SERPINB6: variants seen among roughly 807,000 people sequenced by gnomAD.
The protein encoded by SERPINB6 is serpin B6.
Under a neutral mutation model 26.1 loss-of-function variants are expected in SERPINB6, and 16 were observed. The ratio of observed to expected loss-of-function variants is 0.61; its 90% CI spans 0.42 to 0.93. The LOEUF is 0.93. Ranked by LOEUF, SERPINB6 falls within the 40% of genes least tolerant of loss-of-function variation. The probability of loss-of-function intolerance (pLI) is 0.00; values close to 1 mark genes in which losing one functional copy is unlikely to be tolerated. For synonymous variants in SERPINB6, 174 were observed against 176.6 expected (o/e 0.99, Z 0.11); for missense variants, 420 against 478.0 (o/e 0.88, Z 1.13).
rs1001274072 is a variant in SERPINB6 at position 2,948,224 on chromosome 6, C to T, written c.*74G>A. 3.2e-6 allele frequency: 5 copies of T among 1,585,568 alleles called. No homozygotes were observed. The African/African-American group carries it at 6.7e-5, about 21-fold the overall frequency. On this transcript the variant is annotated 3_prime_UTR_variant, in exon 7 of 7. Transcript: ENST00000380539. The surrounding 1 kb of genome is among the most constrained non-coding windows in gnomAD (Gnocchi z 5.0). ...TGCCACCACTGCACGGATAAGGCCACTTGGGTTGCAGGCACACTGTGGAGT... is the reference window on the plus strand; with the variant it reads ...TGCCACCACTGCACGGATAAGGCCATTTGGGTTGCAGGCACACTGTGGAGT...
At chr6:2,957,557 T>C (rs532971070) in intron 2 of SERPINB6, 2 of 152,264 alleles carry the variant, frequency 1.3e-5, no homozygotes, top group South Asian at 4.1e-4. Context: ...TCTGGCAGGC[T>C]CTCCCATGGC....
intron 1 of SERPINB6, among the ~76,000 whole-genome samples, chr6:2,965,206 T>C (rs1473764688): frequency 6.6e-6 from 1 of 152,224 alleles, no homozygotes. Context: ...TTTCAAATTC[T>C]CCCCAAATGT....
chr6:2,948,961 G>T lies in SERPINB6; in HGVS notation c.682C>A (p.Leu228Met). The T allele has an allele frequency of 6.2e-7, 1 of 1,614,210 alleles. No homozygotes were observed. Among genetic ancestry groups the T allele is most frequent in the Admixed American group, 1.7e-5 (1 of 60,028 alleles). ...TCCGGAAGCATGATGATCATATTCA[G>T]TTCCTTGCCAACATATGGAAGCACC... ...ILVLPYVGKE[L>M]NMIIMLPDET... The change falls in exon 6 of 7, where the codon CTG (leucine) becomes ATG (methionine). Residue 228 changes from leucine to methionine, a missense_variant. By Grantham distance (15) the Leu-to-Met change is conservative (BLOSUM62 2). Coordinates refer to ENST00000380539, the MANE Select transcript of SERPINB6 (RefSeq NM_004568.6). The surrounding 1 kb of genome is among the most constrained non-coding windows in gnomAD (Gnocchi z 5.0).
rs70995402 is a variant in SERPINB6 at position 2,970,724 on chromosome 6, C to CAAAA, written c.-11+805_-11+808dup. 4,213 of 1,064,364 alleles carry CAAAA rather than the reference C, an allele frequency of 4.0e-3. 23 individuals are homozygous for CAAAA. The highest frequency in any genetic ancestry group is 0.021 in the African/African-American group (1,029 of 48,706). 65.9% of individuals were successfully genotyped at this position (1,064,364 alleles called of 1,614,324 possible). ...AGTTTTCCGAAGCCAATCTTTAGGA[C>CAAAA]AAAAAAAAAAAAAAAAAAAAGGAAG... On this transcript the variant is annotated intron_variant, in intron 1 of 6. Coordinates refer to ENST00000380539, the MANE Select transcript of SERPINB6 (RefSeq NM_004568.6).
At chr6:2,962,352 G>T (rs186570627) in intron 1 of SERPINB6, among the ~76,000 whole-genome samples, 12 of 152,310 alleles carry the variant, frequency 7.9e-5, no homozygotes, top group Admixed American at 5.9e-4. Flanking sequence ...TGTGTCAGGG[G>T]ATTTAATCTG....
chr6:2,958,051 C>G (rs2113235333), intron 2 of SERPINB6: 1 of 152,372 alleles, frequency 6.6e-6, no homozygotes, highest in South Asian at 2.1e-4. Context: ...ACTGAAGTCC[C>G]AACTCCAGTG....
At chr6:2,966,262 C>T in intron 1 of SERPINB6, 2 of 609,344 alleles carry the variant, frequency 3.3e-6, no homozygotes, top group Non-Finnish European at 2.1e-6. Flanking sequence ...ATCTTGTTTG[C>T]CTCATCTGAA....
At chr6:2,953,764 A>AT (rs2113173145) in intron 4 of SERPINB6, among the ~76,000 whole-genome samples, 1 of 152,268 alleles carries the variant, frequency 6.6e-6, no homozygotes, top group East Asian at 1.9e-4. Context: ...GAGCACAAGA[A>AT]TTGATGCTGT....
chr6:2,961,792 T>C lies in SERPINB6; in HGVS notation c.-10-2450A>G, dbSNP rs992605653. The stretch of plus-strand genomic sequence containing the variant: ...AAAAAAAGACAGAGGTTAAGTACCA[T>C]GTCAGCTGGCCAGGGGAAGGTCCCA... On this transcript the variant is annotated intron_variant, in intron 1 of 6. Transcript: ENST00000380539. 2.0e-5 allele frequency: 20 copies of C among 980,354 alleles called. No individual in the cohort carries two copies. The African/African-American group carries it at 3.0e-4, about 15-fold the overall frequency. The allele number at this position is 980,354 out of a possible 1,614,324, so 60.7% of individuals were successfully genotyped here. A position where few individuals can be genotyped will look rare whatever the true frequency, so the allele number is the denominator to read the frequency against.
In SERPINB6 at chr6:2,948,378, C is replaced by T. The variant is rs972231546; in HGVS notation, c.1051G>A (p.Ala351Thr). ...RCARFVPRFC[A>T]DHPFLFFIQH... is the part of the protein sequence containing the mutation. ...ATGAAGAAAAGGAAGGGGTGGTCGG[C>T]GCAGAAGCGGGGGACGAATCTGGCA... The change falls in exon 7 of 7, where the codon GCC (alanine) becomes ACC (threonine). Residue 351 changes from alanine to threonine, a missense_variant. Physicochemically the swap from Ala to Thr is moderately conservative, Grantham distance 58. Coordinates refer to ENST00000380539, the MANE Select transcript of SERPINB6 (RefSeq NM_004568.6). The surrounding 1 kb of genome is among the most constrained non-coding windows in gnomAD (Gnocchi z 5.0). 1.2e-5 allele frequency: 19 copies of T among 1,613,986 alleles called. No homozygotes were observed. Among genetic ancestry groups the T allele is most frequent in the Non-Finnish European group, 1.6e-5 (19 of 1,180,016 alleles).
At chr6:2,963,047 C>T (rs551513483) in intron 1 of SERPINB6, among the ~76,000 whole-genome samples, 22 of 151,964 alleles carry the variant, frequency 1.4e-4, no homozygotes, top group Admixed American at 6.6e-4. Flanking sequence ...AGAAAGGAGA[C>T]AAAATGAGCA....
At chr6:2,962,411 C>T (rs1173535496) in intron 1 of SERPINB6, among the ~76,000 whole-genome samples, 1 of 152,180 alleles carries the variant, frequency 6.6e-6, no homozygotes, top group East Asian at 1.9e-4. Context: ...GGAGATGGCA[C>T]GAGTCAGGAG....
intron 5 of SERPINB6, among the ~76,000 whole-genome samples, chr6:2,951,037 A>G (rs1213900148): frequency 2.0e-5 from 3 of 152,208 alleles, no homozygotes; most frequent in Non-Finnish European, 4.4e-5. Flanking sequence ...TTGTGGCTAC[A>G]TGTACCATCT....
chr6:2,968,952 G>A lies in SERPINB6; in HGVS notation c.-11+2581C>T, dbSNP rs1771885199. The A allele has an allele frequency of 3.3e-6, 4 of 1,222,332 alleles. No individual in the cohort carries two copies. In the Admixed American group the frequency reaches 1.3e-4, roughly 39 times the overall value. 75.7% of individuals were successfully genotyped at this position (1,222,332 alleles called of 1,614,324 possible). A position where few individuals can be genotyped will look rare whatever the true frequency, so the allele number is the denominator to read the frequency against. ...GGGTGGAAGCAGATGGGGGTCGGGG[G>A]GCTTCTACTGGATCTGTAATCCCCT... is the stretch of plus-strand genomic sequence containing the variant. On this transcript the variant is annotated intron_variant, in intron 1 of 6. Coordinates refer to ENST00000380539, the MANE Select transcript of SERPINB6 (RefSeq NM_004568.6).
At chr6:2,968,921 GAGATGGGGTGGAAGC>G in intron 1 of SERPINB6, 1 of 1,225,832 alleles carries the variant, frequency 8.2e-7, no homozygotes, top group Non-Finnish European at 1.0e-6. Flanking sequence ...GTTCTGGAAG[GAGATGGGGTGGAAGC>G]AGATGGGGGT....
Position 2,953,177 on chromosome 6 carries a change from G to A in SERPINB6, c.440C>T (p.Ala147Val), listed in dbSNP as rs750577552. Residue 147 changes from alanine to valine, a missense_variant, in exon 5 of 7, where the codon GCG becomes GTG. Physicochemically the swap from Ala to Val is moderately conservative, Grantham distance 64 (BLOSUM62 0). Coordinates refer to ENST00000380539, the MANE Select transcript of SERPINB6 (RefSeq NM_004568.6). ...CACTGAGCCCGGAGAGAGCAACTCC[G>A]CAATTTTACCTGAGCGGAAGAATTC... ...WVAEKTEGKI[A>V]ELLSPGSVDP... 3.7e-6 allele frequency: 6 copies of A among 1,614,046 alleles called. No individual in the cohort carries two copies. The highest frequency in any genetic ancestry group is 1.7e-5 in the Admixed American group (1 of 60,008).
intron 2 of SERPINB6, 33 bp downstream of exon 2, chr6:2,959,135 G>A (rs1465964084): frequency 3.7e-6 from 6 of 1,613,764 alleles, no homozygotes; most frequent in South Asian, 1.1e-5. Flanking sequence ...TAACTTGACA[G>A]TTAATAGCAC....
At chr6:2,960,403 G>A (rs1246651017) in intron 1 of SERPINB6, 4 of 152,324 alleles carry the variant, frequency 2.6e-5, no homozygotes, top group Non-Finnish European at 4.4e-5. Context: ...GAGAGGACAA[G>A]GGGCAGCTAA....
intron 1 of SERPINB6, chr6:2,962,286 A>C: frequency 2.3e-6 from 2 of 875,320 alleles, no homozygotes; most frequent in Non-Finnish European, 1.4e-6. Flanking sequence ...GAAATACTGA[A>C]CTGGAGAAAC....
Sources: gnomAD v4.1 joint callset for allele counts (sites outside exome capture counted in the v4.1 genomes callset) on GRCh38, gnomAD v4.1.1 for gene constraint, Gnocchi (gnomAD v3.1) non-coding constraint, MANE v1.5 for transcripts, NCBI Gene and HGNC (gene_info 2026-07-23, HGNC 2026-07-21) for gene names.